The following WARS2 variants were observed in gnomAD, a reference collection of about 807,000 sequenced individuals.
WARS2 encodes the protein tryptophan--tRNA ligase, mitochondrial.
Under a neutral mutation model 36.5 loss-of-function variants are expected in WARS2, and 28 were observed. That is an observed-to-expected ratio of 0.77 (90% CI 0.57 to 1.05). WARS2 has a LOEUF of 1.05. Among genes scored for constraint, WARS2 ranks in the 50% least tolerant of loss-of-function variants. The pLI, the probability that WARS2 is intolerant of heterozygous loss-of-function variation, is 0.00. For missense variants in WARS2, 435 were observed against 456.8 expected, an observed-to-expected ratio of 0.95 and a Z score of 0.44; for synonymous variants, 174 against 178.4, an observed-to-expected ratio of 0.98 and a Z score of 0.20.
chr1:119,033,140 A>T lies in WARS2; in HGVS notation c.854T>A (p.Leu285His). ...GCGGCGCACCACTTCCTCCACGGAG[A>T]GCCCCGTCACCGCGGCATGCACCGC... Reference protein sequence around the residue: ...IVAVHAAVTGLSVEEVVRRSA... With the variant: ...IVAVHAAVTGHSVEEVVRRSA... The change falls in exon 6 of 6, where the codon CTC becomes CAC. Residue 285 changes from leucine to histidine, a missense_variant. Leu to His is a moderately conservative substitution (Grantham distance 99). Transcript: ENST00000235521. The T allele has an allele frequency of 6.2e-7, 1 of 1,614,116 alleles. No homozygotes were observed. The highest frequency in any genetic ancestry group is 8.5e-7 in the Non-Finnish European group (1 of 1,180,042).
At chr1:119,035,901 T>C (rs1419077383) in intron 4 of WARS2, among the ~76,000 whole-genome samples, 1 of 152,158 alleles carries the variant, frequency 6.6e-6, no homozygotes, top group African/African-American at 2.4e-5. Flanking sequence ...TTTCTCTTCT[T>C]CTAAGGTCAA....
At position 119,032,876 on chromosome 1, in the gene WARS2, G is replaced by C. The variant is rs1198758654; in HGVS notation, c.*35C>G. On this transcript the variant is annotated 3_prime_UTR_variant, in exon 6 of 6. Coordinates refer to ENST00000235521, the MANE Select transcript of WARS2 (RefSeq NM_015836.4). ...CGTTATCAGAATGCATGGAGTGCAA[G>C]GCACAAAAGCCTTGCTGTGATTCGT... The C allele has an allele frequency of 6.4e-7, 1 of 1,572,718 alleles. No individual in the cohort carries two copies. Among genetic ancestry groups the C allele is most frequent in the African/African-American group, 1.4e-5 (1 of 73,460 alleles).
intron 1 of WARS2, among the ~76,000 whole-genome samples, chr1:119,138,457 AGT>A: frequency 6.6e-6 from 1 of 152,314 alleles, no homozygotes; most frequent in East Asian, 1.9e-4. Context: ...GTTATTAAAA[AGT>A]GTGTGTCTTC....
chr1:119,116,210 T>C (rs1007167255), intron 1 of WARS2, among the ~76,000 whole-genome samples: 1 of 152,162 alleles, frequency 6.6e-6, no homozygotes, highest in Non-Finnish European at 1.5e-5. Context: ...GCTTTGTAGT[T>C]AGTAAGTGGA....
At chr1:119,042,221 T>A in intron 4 of WARS2, 43 bp downstream of exon 4, 1 of 1,582,924 alleles carries the variant, frequency 6.3e-7, no homozygotes. Flanking sequence ...CACTCTCTTG[T>A]CACCATGAGT....
chr1:119,129,070 G>C (rs1031605757), intron 1 of WARS2, among the ~76,000 whole-genome samples: 1 of 152,182 alleles, frequency 6.6e-6, no homozygotes, highest in African/African-American at 2.4e-5. Context: ...AGTATAACTG[G>C]TTCTGGATTT....
chr1:119,045,645 T>C lies in WARS2; in HGVS notation c.366A>G (p.Gln122=), dbSNP rs778680858. 1.2e-5 allele frequency: 19 copies of C among 1,590,634 alleles called. No individual in the cohort carries two copies. Among genetic ancestry groups the C allele is most frequent in the Non-Finnish European group, 1.5e-5 (18 of 1,165,178 alleles). ...FQQSQVSEHT[Q]LSWILSCMVR... ...CCATGCAGGAAAGGATCCAACTTAA[T>C]TGTGTGTGTTCAGACACCTAAAGAA... is the stretch of plus-strand genomic sequence containing the variant. Residue 122 remains glutamine (Q), a synonymous_variant, in exon 3 of 6, where the codon CAA becomes CAG. Transcript: ENST00000235521.
intron 4 of WARS2, among the ~76,000 whole-genome samples, chr1:119,038,328 C>T (rs1162518051): frequency 6.6e-6 from 1 of 152,156 alleles, no homozygotes; most frequent in African/African-American, 2.4e-5. Context: ...CAACCGGCCT[C>T]ACAAAGAATG....
intron 4 of WARS2, among the ~76,000 whole-genome samples, chr1:119,036,987 G>A (rs557503421): frequency 1.7e-3 from 262 of 152,090 alleles, no homozygotes; most frequent in Non-Finnish European, 3.0e-3. Context: ...AATTCATCTT[G>A]TCTTTGATTC....
At chr1:119,061,431 T>C (rs1650369909) in intron 2 of WARS2, among the ~76,000 whole-genome samples, 1 of 152,082 alleles carries the variant, frequency 6.6e-6, no homozygotes, top group African/African-American at 2.4e-5. Flanking sequence ...AATAATATCA[T>C]TATAAAGTCT....
In WARS2 at chr1:119,123,899, T is replaced by C. The variant is rs775616600; in HGVS notation, c.90+16656A>G. 7.9e-5 allele frequency among the ~76,000 whole-genome samples: 12 copies of C among 152,252 alleles called. 3 individuals carry two copies. The highest frequency in any genetic ancestry group is 2.9e-4 in the African/African-American group (12 of 41,564). On this transcript the variant is annotated intron_variant, in intron 1 of 5. Transcript: ENST00000235521. ...AGTCTATACTGAGAACTCTCAAATG[T>C]ACATCTCCATCTATACCTCTCTCCT...
intron 2 of WARS2, among the ~76,000 whole-genome samples, chr1:119,065,209 T>G (rs1366521380): frequency 2.6e-5 from 4 of 152,080 alleles, no homozygotes; most frequent in African/African-American, 9.7e-5. Context: ...CTATAACATA[T>G]CACAACTTTG....
intron 1 of WARS2, among the ~76,000 whole-genome samples, chr1:119,094,907 T>A (rs1653308394): frequency 6.6e-6 from 1 of 152,314 alleles, no homozygotes; most frequent in Middle Eastern, 3.4e-3. Flanking sequence ...AAAATTCAAA[T>A]TTGCAAACCA....
At chr1:119,088,760 G>A (rs1652847078) in intron 1 of WARS2, among the ~76,000 whole-genome samples, 1 of 152,130 alleles carries the variant, frequency 6.6e-6, no homozygotes, top group Non-Finnish European at 1.5e-5. Flanking sequence ...TATGGCTCAG[G>A]GATTCAGAAA....
chr1:119,075,739 C>T (rs763885700), intron 2 of WARS2, among the ~76,000 whole-genome samples: 2 of 152,116 alleles, frequency 1.3e-5, no homozygotes, highest in African/African-American at 2.4e-5. Flanking sequence ...GCCAGACTAT[C>T]GGCCTGTCCA....
intron 1 of WARS2, among the ~76,000 whole-genome samples, chr1:119,125,037 A>G (rs1482286017): frequency 6.6e-6 from 1 of 152,230 alleles, no homozygotes; most frequent in Non-Finnish European, 1.5e-5. Context: ...TACAAGAATT[A>G]AATGAGTTAA....
intron 1 of WARS2, among the ~76,000 whole-genome samples, chr1:119,128,939 G>A (rs1655889956): frequency 6.6e-6 from 1 of 152,120 alleles, no homozygotes; most frequent in Non-Finnish European, 1.5e-5. Context: ...CAAAATTAAG[G>A]AAATATGGTC....
chr1:119,126,285 T>A (rs187554190), intron 1 of WARS2, among the ~76,000 whole-genome samples: 31 of 141,196 alleles, frequency 2.2e-4, no homozygotes, highest in African/African-American at 8.1e-4. Flanking sequence ...AAAAAAAAAA[T>A]CTCAAAATAA....
intron 1 of WARS2, among the ~76,000 whole-genome samples, chr1:119,128,438 C>T (rs759835900): frequency 2.1e-4 from 24 of 115,240 alleles, no homozygotes; most frequent in South Asian, 2.7e-4. Flanking sequence ...TCTACACCCT[C>T]GGAATCCTTA....
Sources: allele counts gnomAD v4.1 joint callset (sites outside exome capture counted in the v4.1 genomes callset), GRCh38; gene constraint gnomAD v4.1.1; transcripts MANE v1.5; gene names NCBI Gene and HGNC (gene_info 2026-07-23, HGNC 2026-07-21).